Variants in TXLNG observed in about 807,000 individuals in gnomAD.
TXLNG encodes the protein taxilin gamma.
TXLNG carries 5 observed loss-of-function variants against 38.8 expected under a neutral mutation model. The observed-to-expected ratio is 0.13, with a 90% CI of 0.07 to 0.27. TXLNG has a LOEUF of 0.27. Ranked by LOEUF, TXLNG falls within the 10% of genes least tolerant of loss-of-function variation. The pLI is 1.00. For missense variants in TXLNG, 393 were observed against 398.2 expected (o/e 0.99, Z 0.11); for synonymous variants, 182 against 158.2 (o/e 1.15, Z -1.13).
chrX:16,822,461 G>T (rs1929011735), intron 3 of TXLNG, among the ~76,000 whole-genome samples: 1 of 111,840 alleles, frequency 8.9e-6, no homozygotes, highest in African/African-American at 3.2e-5. Flanking sequence ...GACGCCCTGT[G>T]CATCAGTGAA....
Position 16,790,325 on chromosome X carries a change from T to C in TXLNG, c.102+3736T>C, listed in dbSNP as rs1414285950. The stretch of plus-strand genomic sequence containing the variant: ...AAATCCCTTGTGCTCTACCTATTCA[T>C]CCCTCTCTCCCTTCCCCTAGACTAC... On this transcript the variant is annotated intron_variant, in intron 1 of 9. Coordinates refer to ENST00000380122, the MANE Select transcript of TXLNG (RefSeq NM_018360.3). Among the ~76,000 whole-genome samples, 5 of 111,154 alleles carry C rather than the reference T, an allele frequency of 4.5e-5. No homozygotes were observed. The East Asian group carries it at 1.4e-3, about 31-fold the overall frequency.
chrX:16,789,858 G>A (rs985007962), intron 1 of TXLNG, among the ~76,000 whole-genome samples: 3 of 109,065 alleles, frequency 2.8e-5, no homozygotes, highest in African/African-American at 1.0e-4. Context: ...GCAATGGCAT[G>A]ATCTTGGCTC....
chrX:16,817,714 C>T (rs1928797142), intron 1 of TXLNG, among the ~76,000 whole-genome samples: 1 of 112,479 alleles, frequency 8.9e-6, no homozygotes, highest in Non-Finnish European at 1.9e-5. Context: ...AAGACAGTTA[C>T]TGACATAAGA....
chrX:16,839,948 C>G, intron 9 of TXLNG, 32 bp downstream of exon 9: 1 of 1,075,371 alleles, frequency 9.3e-7, no homozygotes, highest in Non-Finnish European at 1.3e-6. Context: ...AAGGTGTAGT[C>G]TTAGTCATGG....
At chrX:16,840,954 C>T (rs992645282) in intron 9 of TXLNG, among the ~76,000 whole-genome samples, 21 of 110,899 alleles carry the variant, frequency 1.9e-4, no homozygotes, top group East Asian at 5.7e-4. Flanking sequence ...CCCAGCGCTT[C>T]GGGAGGCCAA....
intron 1 of TXLNG, among the ~76,000 whole-genome samples, chrX:16,798,172 T>C: frequency 8.9e-6 from 1 of 112,461 alleles, no homozygotes; most frequent in Non-Finnish European, 1.9e-5. Flanking sequence ...TTCGAAAATA[T>C]TGGTTAACTG....
intron 5 of TXLNG, among the ~76,000 whole-genome samples, chrX:16,830,048 G>A (rs1306987666): frequency 9.0e-6 from 1 of 111,306 alleles, no homozygotes; most frequent in Non-Finnish European, 1.9e-5. Flanking sequence ...ATTTTCGCAT[G>A]TAGATTGTTT....
chrX:16,812,269 A>G lies in TXLNG; in HGVS notation c.103-6305A>G, dbSNP rs1461509491. On this transcript the variant is annotated intron_variant, in intron 1 of 9. Transcript: ENST00000380122. ...AGTGATCCGCCCGCCTCGGCCTCCC[A>G]AAGTGCTGGGATTACAGGTATGAGC... Among the ~76,000 whole-genome samples the G allele has an allele frequency of 2.7e-5, 3 of 109,914 alleles. No homozygotes were observed. The East Asian group carries it at 8.5e-4, about 31-fold the overall frequency.
rs773933329 is a variant in TXLNG at position 16,843,145 on chromosome X, A to G, written c.*1379A>G. On this transcript the variant is annotated 3_prime_UTR_variant, in exon 10 of 10. Transcript: ENST00000380122. Reference sequence around the variant, plus strand: ...GTTCTACTAGAACTGATGTTAGCACATTCCACTGAGCAAAACTATCAGACT... The same window carrying G: ...GTTCTACTAGAACTGATGTTAGCACGTTCCACTGAGCAAAACTATCAGACT... 2 of 112,763 alleles carry G rather than the reference A, an allele frequency of 1.8e-5. No homozygotes were observed. The highest frequency in any genetic ancestry group is 3.6e-4 in the South Asian group (1 of 2,772). 9.3% of individuals were successfully genotyped at this position (112,763 alleles called of 1,213,427 possible).
intron 1 of TXLNG, among the ~76,000 whole-genome samples, chrX:16,800,537 C>G (rs371601007): frequency 2.8e-5 from 3 of 105,477 alleles, no homozygotes; most frequent in Non-Finnish European, 5.8e-5. Flanking sequence ...CGTAAGCCAC[C>G]GAGCCAGGCC....
At chrX:16,798,524 A>G (rs1927966961) in intron 1 of TXLNG, among the ~76,000 whole-genome samples, 1 of 111,295 alleles carries the variant, frequency 9.0e-6, no homozygotes, top group African/African-American at 3.3e-5. Flanking sequence ...TTCATAATTC[A>G]AACAGCTGCA....
rs1425404653 is a variant in TXLNG, at chrX:16,786,501, T to A, written c.14T>A (p.Val5Glu). 2 of 1,110,925 alleles carry A rather than the reference T, an allele frequency of 1.8e-6. No individual in the cohort carries two copies. The highest frequency in any genetic ancestry group is 3.2e-5 in the Admixed American group (1 of 31,580). 91.6% of individuals were successfully genotyped at this position (1,110,925 alleles called of 1,213,427 possible). Residue 5 changes from valine to glutamate, a missense_variant, in exon 1 of 10, where the codon GTA (valine) becomes GAA (glutamate). By Grantham distance (121) the Val-to-Glu change is moderately radical. Transcript: ENST00000380122. ...TGCCGTCACCTCATGGCGACGCGGG[T>A]AGAGGAGGCAGCGCGGGGAAGAGGC... MATR[V>E]EEAARGRGGG... is the part of the protein sequence containing the mutation.
At chrX:16,804,967 G>GC (rs1289571882) in intron 1 of TXLNG, among the ~76,000 whole-genome samples, 41 of 842 alleles carry the variant, frequency 0.049, no homozygotes, top group African/African-American at 0.071. Flanking sequence ...CACCACCACT[G>GC]CCCACCCCCC....
chrX:16,828,275 T>G lies in TXLNG; in HGVS notation c.669+11T>G, dbSNP rs749329764. 3 of 1,182,754 alleles carry G rather than the reference T, an allele frequency of 2.5e-6. No individual in the cohort carries two copies. In the South Asian group the frequency reaches 5.7e-5, roughly 22 times the overall value. On this transcript the variant is annotated intron_variant, in intron 4 of 9. Coordinates refer to ENST00000380122, the MANE Select transcript of TXLNG (RefSeq NM_018360.3). ...AATAAGACGTTAAAGGTTAGTTGCTTCATTTGTCTGTTTTTTTCAGGAGGG... is the reference window on the plus strand; with the variant it reads ...AATAAGACGTTAAAGGTTAGTTGCTGCATTTGTCTGTTTTTTTCAGGAGGG...
At chrX:16,802,532 A>G (rs1928145609) in intron 1 of TXLNG, among the ~76,000 whole-genome samples, 1 of 110,168 alleles carries the variant, frequency 9.1e-6, no homozygotes. Context: ...GGCCCCTTTT[A>G]TTAGTGATTC....
At chrX:16,806,646 G>A (rs992515952) in intron 1 of TXLNG, among the ~76,000 whole-genome samples, 7 of 110,893 alleles carry the variant, frequency 6.3e-5, no homozygotes, top group African/African-American at 2.3e-4. Context: ...GGCCGGGCGC[G>A]GTGGCTCATG....
chrX:16,835,079 A>T, intron 7 of TXLNG, among the ~76,000 whole-genome samples: 1 of 96,613 alleles, frequency 1.0e-5, no homozygotes, highest in East Asian at 3.1e-4. Flanking sequence ...TTAGCTCCTT[A>T]AAAAAAAAAA....
Position 16,821,765 on chromosome X carries a change from C to T in TXLNG, c.498+1510C>T, listed in dbSNP as rs762379938. ...CAGCACTTTGGGAGGCCAAGGTGGGCGGATCACGAGGTCAGGAGATCGAGA... is the reference window on the plus strand; with the variant it reads ...CAGCACTTTGGGAGGCCAAGGTGGGTGGATCACGAGGTCAGGAGATCGAGA... On this transcript the variant is annotated intron_variant, in intron 3 of 9. Coordinates refer to ENST00000380122, the MANE Select transcript of TXLNG (RefSeq NM_018360.3). Among the ~76,000 whole-genome samples the T allele has an allele frequency of 2.2e-3, 219 of 98,468 alleles. No homozygotes were observed. In the Middle Eastern group the frequency reaches 0.07, roughly 31 times the overall value. The allele number at this position is 98,468 out of a possible 115,157, so 85.5% of individuals were successfully genotyped here. A position where few individuals can be genotyped will look rare whatever the true frequency, so the allele number is the denominator to read the frequency against.
At chrX:16,825,538 T>G (rs1929135561) in intron 3 of TXLNG, among the ~76,000 whole-genome samples, 1 of 112,168 alleles carries the variant, frequency 8.9e-6, no homozygotes, top group Admixed American at 9.5e-5. Flanking sequence ...TTTTTATTTT[T>G]TATCTACTTG....
Sources: allele counts gnomAD v4.1 joint callset (sites outside exome capture counted in the v4.1 genomes callset), GRCh38; gene constraint gnomAD v4.1.1; transcripts MANE v1.5; gene names NCBI Gene and HGNC (gene_info 2026-07-23, HGNC 2026-07-21).